CASZ1: variants seen among roughly 807,000 people sequenced by gnomAD.
The protein encoded by CASZ1 is zinc finger protein castor homolog 1.
In CASZ1, 28 loss-of-function variants were observed where a neutral mutation model predicts 135.2. That is an observed-to-expected ratio of 0.21 (90% CI 0.15 to 0.28). The LOEUF is 0.28. Ranked by LOEUF, CASZ1 falls within the 10% of genes least tolerant of loss-of-function variation. The pLI, the probability that CASZ1 is intolerant of heterozygous loss-of-function variation, is 1.00. For missense variants in CASZ1, 2,161 were observed against 2,453.3 expected, an observed-to-expected ratio of 0.88 and a Z score of 2.52; for synonymous variants, 1,068 against 1,073.4, an observed-to-expected ratio of 0.99 and a Z score of 0.10.
At chr1:10,784,860 C>A (rs1191470932) in intron 1 of CASZ1, among the ~76,000 whole-genome samples, 1 of 152,178 alleles carries the variant, frequency 6.6e-6, no homozygotes, top group Non-Finnish European at 1.5e-5. Context: ...ACCACCGCAC[C>A]TGGCCCCAAG....
Position 10,639,376 on chromosome 1 carries a change from G to A in CASZ1, c.4846C>T (p.Leu1616=). ...EGPAPGPPIS[L]DGSLSLGAEP... Reference sequence around the variant, plus strand: ...GCGCCCAGCGACAGGGAGCCGTCCAGACTGATGGGAGGCCCGGGCGCGGGG... The same window carrying A: ...GCGCCCAGCGACAGGGAGCCGTCCAAACTGATGGGAGGCCCGGGCGCGGGG... The change falls in exon 21 of 21, where the codon CTG becomes TTG. Residue 1616 remains leucine (L), a synonymous_variant. Transcript: ENST00000377022. The surrounding 1 kb of genome is among the most constrained non-coding windows in gnomAD (Gnocchi z 4.0). 6.5e-7 allele frequency: 1 copy of A among 1,541,638 alleles called. No homozygotes were observed. Among genetic ancestry groups the A allele is most frequent in the Non-Finnish European group, 8.7e-7 (1 of 1,144,794 alleles).
At chr1:10,745,852 G>T (rs563768784) in intron 2 of CASZ1, among the ~76,000 whole-genome samples, 1 of 152,224 alleles carries the variant, frequency 6.6e-6, no homozygotes, top group Non-Finnish European at 1.5e-5. Context: ...GGACAAAAAC[G>T]GGGAAGAGCC....
rs547600010 is a variant in CASZ1, at chr1:10,735,876, C to T, written c.-77+24825G>A. ...GCTTAGGATCAGGGGCAGCCCCAGGCACATCAGGTTGAAAATGTGCTTTTT... is the reference window on the plus strand; with the variant it reads ...GCTTAGGATCAGGGGCAGCCCCAGGTACATCAGGTTGAAAATGTGCTTTTT... On this transcript the variant is annotated intron_variant, in intron 2 of 20. Coordinates refer to ENST00000377022, the MANE Select transcript of CASZ1 (RefSeq NM_001079843.3). This position sits in a 1 kb window ranked among gnomAD's most constrained non-coding sequence, Gnocchi z 5.1. Among the ~76,000 whole-genome samples the T allele has an allele frequency of 2.0e-5, 3 of 152,238 alleles. No homozygotes were observed. Among genetic ancestry groups the T allele is most frequent in the Admixed American group, 2.0e-4 (3 of 15,302 alleles).
chr1:10,770,241 C>T (rs868545816), intron 1 of CASZ1, among the ~76,000 whole-genome samples: 16 of 152,056 alleles, frequency 1.1e-4, no homozygotes, highest in Admixed American at 6.6e-4. Context: ...TGTACCATCA[C>T]GCCTGCCTAA....
Position 10,650,471 on chromosome 1 carries a change from G to A in CASZ1, c.2880+221C>T, listed in dbSNP as rs1390656311. ...CCTCCATCTGAAGGGAAAAAAAGGT[G>A]TCAGAGGCTGGAATATATTTCTTCA... On this transcript the variant is annotated intron_variant, in intron 13 of 20. Transcript: ENST00000377022. 6.4e-6 allele frequency: 3 copies of A among 468,174 alleles called. No homozygotes were observed. In the East Asian group the frequency reaches 1.0e-4, roughly 16 times the overall value. The allele number at this position is 468,174 out of a possible 1,614,324, so 29.0% of individuals were successfully genotyped here. A position where few individuals can be genotyped will look rare whatever the true frequency, so the allele number is the denominator to read the frequency against.
At chr1:10,713,893 C>T (rs1362532454) in intron 2 of CASZ1, among the ~76,000 whole-genome samples, 1 of 152,258 alleles carries the variant, frequency 6.6e-6, no homozygotes, top group African/African-American at 2.4e-5. Context: ...GGAGCTCCAC[C>T]ACCGTCTGAC....
chr1:10,649,710 G>C, intron 13 of CASZ1: 1 of 423,874 alleles, frequency 2.4e-6, no homozygotes, highest in East Asian at 3.6e-5. Flanking sequence ...AGCCGAGGCC[G>C]CGACTCAGGG....
chr1:10,792,696 C>T (rs1384325395), intron 1 of CASZ1, among the ~76,000 whole-genome samples: 1 of 149,726 alleles, frequency 6.7e-6, no homozygotes, highest in Non-Finnish European at 1.5e-5. Flanking sequence ...CACGCCCCCA[C>T]CCCCACCCCC....
chr1:10,659,912 T>G lies in CASZ1; in HGVS notation c.1130A>C (p.Asp377Ala). ...TGKVGRPSKY[D>A]VRGIQKPGPA... ...GCCTGGCTTCTGGATGCCCCGGACG[T>G]CGTACTTGGAAGGGCGCCCCACCTT... Residue 377 changes from aspartate to alanine, a missense_variant, in exon 6 of 21, where the codon GAC becomes GCC. By Grantham distance (126) the Asp-to-Ala change is moderately radical. This residue lies in a region of CASZ1 where 590 missense variants were observed against 609.8 expected (regional missense o/e 0.97). Coordinates refer to ENST00000377022, the MANE Select transcript of CASZ1 (RefSeq NM_001079843.3). 1 of 1,611,930 alleles carries G rather than the reference T, an allele frequency of 6.2e-7. No individual in the cohort carries two copies. Among genetic ancestry groups the G allele is most frequent in the Non-Finnish European group, 8.5e-7 (1 of 1,179,556 alleles).
chr1:10,732,948 C>T (rs1639729100), intron 2 of CASZ1, among the ~76,000 whole-genome samples: 1 of 152,110 alleles, frequency 6.6e-6, no homozygotes, highest in Non-Finnish European at 1.5e-5. Context: ...CCCCACTGGT[C>T]CCTGGGGGTA....
intron 4 of CASZ1, among the ~76,000 whole-genome samples, chr1:10,675,986 C>G (rs1282463676): frequency 6.6e-6 from 1 of 152,208 alleles, no homozygotes; most frequent in Non-Finnish European, 1.5e-5. Flanking sequence ...AAGTTCCATC[C>G]CAGGGGCTCA....
rs910707559 is a variant in CASZ1, at chr1:10,637,488, C to T, written c.*1454G>A. ...GTTGAGCCAGGTTCCTCCTGGAGAC[C>T]TCTGGGGAGGAGGCTTCTGGATGAC... On this transcript the variant is annotated 3_prime_UTR_variant, in exon 21 of 21. Coordinates refer to ENST00000377022, the MANE Select transcript of CASZ1 (RefSeq NM_001079843.3). 6.6e-6 allele frequency: 1 copy of T among 152,380 alleles called. No individual in the cohort carries two copies. Among genetic ancestry groups the T allele is most frequent in the African/African-American group, 2.4e-5 (1 of 41,442 alleles). The allele number at this position is 152,380 out of a possible 1,614,324, so 9.4% of individuals were successfully genotyped here.
chr1:10,738,379 A>G (rs1639842483), intron 2 of CASZ1, among the ~76,000 whole-genome samples: 1 of 152,200 alleles, frequency 6.6e-6, no homozygotes, highest in Non-Finnish European at 1.5e-5. Flanking sequence ...TTTTGGTGCC[A>G]GGTGGCCAAA....
At position 10,639,243 on chromosome 1, in the gene CASZ1, C is replaced by T; in HGVS notation, c.4979G>A (p.Arg1660His). 1 of 927,234 alleles carries T rather than the reference C, an allele frequency of 1.1e-6. No individual in the cohort carries two copies. The highest frequency in any genetic ancestry group is 1.3e-6 in the Non-Finnish European group (1 of 778,334). The allele number at this position is 927,234 out of a possible 1,614,324, so 57.4% of individuals were successfully genotyped here. A position where few individuals can be genotyped will look rare whatever the true frequency, so the allele number is the denominator to read the frequency against. ...GGCGGCGGCGGCGGCGGCGCCCTCG[C>T]GCGGCCCGGGGGCGGCGGCGTCGGG... ...GPPDAAAPGP[R>H]EGAAAAAAAA... Residue 1660 changes from arginine to histidine, a missense_variant, in exon 21 of 21, where the codon CGC (arginine) becomes CAC (histidine). Coordinates refer to ENST00000377022, the MANE Select transcript of CASZ1 (RefSeq NM_001079843.3). This position sits in a 1 kb window ranked among gnomAD's most constrained non-coding sequence, Gnocchi z 4.0.
At chr1:10,703,957 G>C (rs968309880) in intron 3 of CASZ1, among the ~76,000 whole-genome samples, 6 of 152,184 alleles carry the variant, frequency 3.9e-5, no homozygotes, top group African/African-American at 1.4e-4. Flanking sequence ...GAAGCACTTG[G>C]GGCTGAATTT....
chr1:10,651,148 C>CCT, intron 11 of CASZ1, 72 bp from the exon 12 acceptor site: 4 of 1,313,336 alleles, frequency 3.0e-6, no homozygotes, highest in Non-Finnish European at 3.9e-6. Context: ...GCCGCCGTGC[C>CCT]CCCTGGAGGG....
At chr1:10,671,857 G>A (rs1643410705) in intron 4 of CASZ1, among the ~76,000 whole-genome samples, 1 of 152,228 alleles carries the variant, frequency 6.6e-6, no homozygotes, top group Non-Finnish European at 1.5e-5. Flanking sequence ...TGGAGGGTGC[G>A]AGGCTAGGAT....
chr1:10,646,870 C>G lies in CASZ1; in HGVS notation c.3498-544G>C, dbSNP rs1177672283. 6.6e-6 allele frequency among the ~76,000 whole-genome samples: 1 copy of G among 152,168 alleles called. No individual in the cohort carries two copies. The highest frequency in any genetic ancestry group is 1.5e-5 in the Non-Finnish European group (1 of 68,030). On this transcript the variant is annotated intron_variant, in intron 16 of 20. Coordinates refer to ENST00000377022, the MANE Select transcript of CASZ1 (RefSeq NM_001079843.3). This position sits in a 1 kb window ranked among gnomAD's most constrained non-coding sequence, Gnocchi z 6.4. ...TGGGCTCCCCAGGATCAACTCGGGG[C>G]CCATGGTGCCCACCCACTCAGACCT...
rs554486278 is a variant in CASZ1 at position 10,727,958 on chromosome 1, C to T, written c.-76-22414G>A. Among the ~76,000 whole-genome samples, 3 of 152,370 alleles carry T rather than the reference C, an allele frequency of 2.0e-5. No homozygotes were observed. The highest frequency in any genetic ancestry group is 6.5e-5 in the Admixed American group (1 of 15,314). The stretch of plus-strand genomic sequence containing the variant: ...TGAACTAACCCCGGGCGCGATGCCA[C>T]GTGCCCAGAAACTGGGCATCTGCTG... On this transcript the variant is annotated intron_variant, in intron 2 of 20. Transcript: ENST00000377022. The surrounding 1 kb of genome is among the most constrained non-coding windows in gnomAD (Gnocchi z 5.3).
Sources: gnomAD v4.1 joint callset for allele counts (sites outside exome capture counted in the v4.1 genomes callset) on GRCh38, gnomAD v4.1.1 for gene constraint, gnomAD v4.1.1 regional missense constraint, Gnocchi (gnomAD v3.1) non-coding constraint, MANE v1.5 for transcripts, NCBI Gene and HGNC (gene_info 2026-07-23, HGNC 2026-07-21) for gene names.